The following ADCY6 variants were observed in gnomAD, a reference collection of about 807,000 sequenced individuals.
ADCY6 encodes the protein adenylate cyclase type 6.
Under a neutral mutation model 111.6 loss-of-function variants are expected in ADCY6, and 59 were observed. The observed-to-expected ratio is 0.53, with a 90% CI of 0.43 to 0.66. The LOEUF (loss-of-function observed/expected upper bound fraction) is 0.66. ADCY6 is among the 30% of genes least tolerant of loss of function. The pLI is 0.00. For missense variants in ADCY6, 1,242 were observed against 1,595.6 expected (o/e 0.78, Z 3.78); for synonymous variants, 576 against 642.9 (o/e 0.90, Z 1.57).
chr12:48,773,394 A>G (rs1941603046), intron 16 of ADCY6, 75 bp downstream of exon 16: 2 of 1,514,132 alleles, frequency 1.3e-6, no homozygotes, highest in Non-Finnish European at 1.8e-6. Context: ...GGGCATGGGC[A>G]CCAGAGAGGC....
rs1423411196 is a variant in ADCY6, at chr12:48,771,296, AGAACAGT to A, written c.3052-333_3052-327del. The A allele has an allele frequency of 2.1e-6, 1 of 483,662 alleles. No individual in the cohort carries two copies. The highest frequency in any genetic ancestry group is 3.8e-6 in the Non-Finnish European group (1 of 264,448). 30.0% of individuals were successfully genotyped at this position (483,662 alleles called of 1,614,324 possible). On this transcript the variant is annotated intron_variant, in intron 19 of 21. Coordinates refer to ENST00000357869, the MANE Select transcript of ADCY6 (RefSeq NM_015270.5). The surrounding 1 kb of genome is among the most constrained non-coding windows in gnomAD (Gnocchi z 4.3). ...CAGAGTGAGCAAGTGACTTCCCTCC[AGAACAGT>A]GAACAGCCCATTCCTGATCTGGATG...
At chr12:48,779,997 C>T (rs183841451) in intron 2 of ADCY6, among the ~76,000 whole-genome samples, 282 of 152,274 alleles carry the variant, frequency 1.9e-3, no homozygotes, top group Non-Finnish European at 2.7e-3. Context: ...AGGCTGAGCT[C>T]CCCCTCCCAG....
chr12:48,776,709 G>C lies in ADCY6; in HGVS notation c.1377-123C>G, dbSNP rs1293221081. On this transcript the variant is annotated intron_variant, in intron 6 of 21. Transcript: ENST00000357869. The surrounding 1 kb of genome is among the most constrained non-coding windows in gnomAD (Gnocchi z 6.1). ...ACAGACCCAGATGCAGGGGACGGGA[G>C]CACAGCCTTGGTTGGACATGAGCAG... is the stretch of plus-strand genomic sequence containing the variant. The C allele has an allele frequency of 7.7e-7, 1 of 1,298,998 alleles. No homozygotes were observed. Among genetic ancestry groups the C allele is most frequent in the Non-Finnish European group, 1.0e-6 (1 of 967,654 alleles). 80.5% of individuals were successfully genotyped at this position (1,298,998 alleles called of 1,614,324 possible).
rs749597485 is a variant in ADCY6 at position 48,773,573 on chromosome 12, C to G, written c.2517G>C (p.Leu839Phe). Reference protein sequence around the residue: ...VFLHISSIGKLAMIFVLGLIY... With the variant: ...VFLHISSIGKFAMIFVLGLIY... Reference sequence around the variant, plus strand: ...TGAGCCCCAAGACAAAGATCATGGCCAACTTCCCGATGCTGCTGATGTGCA... The same window carrying G: ...TGAGCCCCAAGACAAAGATCATGGCGAACTTCCCGATGCTGCTGATGTGCA... Residue 839 changes from leucine (L) to phenylalanine (F), a missense_variant, in exon 16 of 22, where the codon TTG becomes TTC. Leu to Phe is a conservative substitution (Grantham distance 22). Coordinates refer to ENST00000357869, the MANE Select transcript of ADCY6 (RefSeq NM_015270.5). The G allele has an allele frequency of 3.1e-6, 5 of 1,614,112 alleles. No individual in the cohort carries two copies. Among genetic ancestry groups the G allele is most frequent in the Non-Finnish European group, 4.2e-6 (5 of 1,180,014 alleles).
intron 2 of ADCY6, among the ~76,000 whole-genome samples, chr12:48,779,316 C>T (rs1054848059): frequency 6.6e-6 from 1 of 152,194 alleles, no homozygotes; most frequent in African/African-American, 2.4e-5. Flanking sequence ...TAGTGTGAGA[C>T]TTGAACCCAG....
chr12:48,786,325 C>T (rs1298738115), intron 1 of ADCY6, among the ~76,000 whole-genome samples: 1 of 152,176 alleles, frequency 6.6e-6, no homozygotes. Flanking sequence ...TGTCAGCACC[C>T]CTTCTCCTAT....
At chr12:48,780,192 A>G (rs1941807609) in intron 2 of ADCY6, among the ~76,000 whole-genome samples, 1 of 152,300 alleles carries the variant, frequency 6.6e-6, no homozygotes. Flanking sequence ...AACTCTGTAC[A>G]CACACATCCC....
In ADCY6 at chr12:48,783,262, G is replaced by A. The variant is rs767688936; in HGVS notation, c.173C>T (p.Ala58Val). 10 of 1,610,890 alleles carry A rather than the reference G, an allele frequency of 6.2e-6. No homozygotes were observed. In the South Asian group the frequency reaches 6.6e-5, roughly 11 times the overall value. Residue 58 changes from alanine to valine, a missense_variant, in exon 2 of 22, where the codon GCG becomes GTG. By Grantham distance (64) the Ala-to-Val change is moderately conservative. This residue lies in a region of ADCY6 where 362 missense variants were observed against 377.2 expected (regional missense o/e 0.96). Coordinates refer to ENST00000357869, the MANE Select transcript of ADCY6 (RefSeq NM_015270.5). Reference sequence around the variant, plus strand: ...CTGCCAGGGGCACCGAGGGGGGCCCGCAGGGGTGGGGCTGGGTGGCTCTGC... The same window carrying A: ...CTGCCAGGGGCACCGAGGGGGGCCCACAGGGGTGGGGCTGGGTGGCTCTGC... ...RDAEPPSPTP[A>V]GPPRCPWQDD... is the part of the protein sequence containing the mutation.
At position 48,766,397 on chromosome 12, in the gene ADCY6, C is replaced by A. The variant is rs1045799002; in HGVS notation, c.*2194G>T. 2 of 152,568 alleles carry A rather than the reference C, an allele frequency of 1.3e-5. No homozygotes were observed. The highest frequency in any genetic ancestry group is 2.4e-5 in the African/African-American group (1 of 41,380). 9.5% of individuals were successfully genotyped at this position (152,568 alleles called of 1,614,324 possible). On this transcript the variant is annotated 3_prime_UTR_variant, in exon 22 of 22. Coordinates refer to ENST00000357869, the MANE Select transcript of ADCY6 (RefSeq NM_015270.5). ...GAAGGGCATGGCTGGCACTGTGGTA[C>A]GGGGATCCAGGGTGTGGACAGGCCC...
Position 48,777,531 on chromosome 12 carries a change from A to G in ADCY6, c.1137-10T>C. 1 of 1,614,222 alleles carries G rather than the reference A, an allele frequency of 6.2e-7. No homozygotes were observed. The highest frequency in any genetic ancestry group is 8.5e-7 in the Non-Finnish European group (1 of 1,180,004). ...GTCTGCAAACAGGATGCTGTAGATG[A>G]CAGCAGAGGATGAACAGAACACATA... On this transcript the variant is annotated splice_polypyrimidine_tract_variant and intron_variant, in intron 4 of 21. Transcript: ENST00000357869. This position sits in a 1 kb window ranked among gnomAD's most constrained non-coding sequence, Gnocchi z 4.9.
At chr12:48,769,610 G>C (rs1350050981) in intron 20 of ADCY6, among the ~76,000 whole-genome samples, 4 of 142,980 alleles carry the variant, frequency 2.8e-5, no homozygotes, top group Admixed American at 7.0e-5. Context: ...TTTTTGAGAT[G>C]GAGTCTTGCT....
chr12:48,775,497 G>T, intron 10 of ADCY6, 47 bp from the exon 11 acceptor site: 1 of 1,609,942 alleles, frequency 6.2e-7, no homozygotes, highest in Non-Finnish European at 8.5e-7. Context: ...GCATGGCCAT[G>T]TGAGAAACAA....
rs752785984 is a variant in ADCY6, at chr12:48,776,386, C to T, written c.1536-36G>A. ...CCAAGAGGGTGAGACCCTGGCTCTCCCACCTTGCCCCCATCCCCCCCACCT... is the reference window on the plus strand; with the variant it reads ...CCAAGAGGGTGAGACCCTGGCTCTCTCACCTTGCCCCCATCCCCCCCACCT... On this transcript the variant is annotated intron_variant, in intron 7 of 21. Coordinates refer to ENST00000357869, the MANE Select transcript of ADCY6 (RefSeq NM_015270.5). The surrounding 1 kb of genome is among the most constrained non-coding windows in gnomAD (Gnocchi z 6.1). The T allele has an allele frequency of 1.9e-6, 3 of 1,613,820 alleles. No individual in the cohort carries two copies. The highest frequency in any genetic ancestry group is 4.5e-5 in the East Asian group (2 of 44,880).
intron 1 of ADCY6, chr12:48,783,768 C>A (rs1470219503): frequency 6.2e-6 from 2 of 320,722 alleles, no homozygotes; most frequent in East Asian, 7.8e-5. Flanking sequence ...TACAGCAAGA[C>A]CCTGCCTCTA....
At position 48,776,269 on chromosome 12, in the gene ADCY6, G is replaced by A. The variant is rs576607939; in HGVS notation, c.1617C>T (p.Asn539=). 88 of 1,614,214 alleles carry A rather than the reference G, an allele frequency of 5.5e-5. No individual in the cohort carries two copies. The South Asian group carries it at 6.1e-4, about 11-fold the overall frequency. The change falls in exon 8 of 22, where the codon AAC becomes AAT. Residue 539 remains asparagine, a synonymous_variant. Coordinates refer to ENST00000357869, the MANE Select transcript of ADCY6 (RefSeq NM_015270.5). This position sits in a 1 kb window ranked among gnomAD's most constrained non-coding sequence, Gnocchi z 6.1. Reference sequence around the variant, plus strand: ...CAATGTGCTGCTCCTTGAGGTACGCGTTGCGCTCGCCACCACGGCCTGGCT... The same window carrying A: ...CAATGTGCTGCTCCTTGAGGTACGCATTGCGCTCGCCACCACGGCCTGGCT... ...EVEPGRGGER[N]AYLKEQHIET... is the part of the protein sequence containing the mutation.
Position 48,776,547 on chromosome 12 carries a change from G to A in ADCY6, c.1416C>T (p.Arg472=), listed in dbSNP as rs771908683. The A allele has an allele frequency of 2.1e-5, 34 of 1,613,092 alleles. No homozygotes were observed. The highest frequency in any genetic ancestry group is 8.3e-5 in the Admixed American group (5 of 59,992). ...GCACGCGCCCGCTGTGGATGCCCACGCGCATGTTCACATTCACACCTGTCA... is the reference window on the plus strand; with the variant it reads ...GCACGCGCCCGCTGTGGATGCCCACACGCATGTTCACATTCACACCTGTCA... ...REVTGVNVNM[R]VGIHSGRVHC... Residue 472 remains arginine (R), a synonymous_variant, in exon 7 of 22, where the codon CGC becomes CGT. Transcript: ENST00000357869. The surrounding 1 kb of genome is among the most constrained non-coding windows in gnomAD (Gnocchi z 6.1).
In ADCY6 at chr12:48,768,735, A is replaced by T; in HGVS notation, c.3382-19T>A. 6.2e-7 allele frequency: 1 copy of T among 1,612,028 alleles called. No individual in the cohort carries two copies. The highest frequency in any genetic ancestry group is 8.5e-7 in the Non-Finnish European group (1 of 1,178,656). On this transcript the variant is annotated intron_variant, in intron 21 of 21. Transcript: ENST00000357869. The stretch of plus-strand genomic sequence containing the variant: ...TGGTCACCTGGGGGAGTGGGAGGGG[A>T]GCCCGCTTAGCCTGGAATCCTTCCT...
At chr12:48,774,222 T>A in intron 14 of ADCY6, 124 bp from the exon 15 acceptor site, 3 of 1,075,320 alleles carry the variant, frequency 2.8e-6, no homozygotes, top group Non-Finnish European at 4.1e-6. Context: ...GCCTTAGTAC[T>A]CACTCAGGGA....
chr12:48,770,551 C>T (rs140775869), intron 20 of ADCY6, among the ~76,000 whole-genome samples: 10 of 152,210 alleles, frequency 6.6e-5, no homozygotes, highest in African/African-American at 2.2e-4. Context: ...CAATGAAAGG[C>T]GATAATAGTA....
Sources: allele counts gnomAD v4.1 joint callset (sites outside exome capture counted in the v4.1 genomes callset), GRCh38; gene constraint gnomAD v4.1.1; regional missense constraint gnomAD v4.1.1; non-coding constraint Gnocchi (gnomAD v3.1); transcripts MANE v1.5; gene names NCBI Gene and HGNC (gene_info 2026-07-23, HGNC 2026-07-21).